The following NARS2 variants were observed in gnomAD, a reference collection of about 807,000 sequenced individuals.
The protein encoded by NARS2 is asparaginyl-tRNA synthetase.
In NARS2, 60 loss-of-function variants were observed where a neutral mutation model predicts 62.9. The observed-to-expected ratio is 0.95, with a 90% CI of 0.77 to 1.18. The LOEUF (loss-of-function observed/expected upper bound fraction) is 1.18, where lower values mean the gene tolerates loss of function less well. Ranked by LOEUF, NARS2 falls within the 50% of genes most tolerant of loss-of-function variation. The pLI, the probability that NARS2 is intolerant of heterozygous loss-of-function variation, is 0.00. For missense variants in NARS2, 619 were observed against 576.4 expected, an observed-to-expected ratio of 1.07 and a Z score of -0.76; for synonymous variants, 196 against 200.0, an observed-to-expected ratio of 0.98 and a Z score of 0.17.
chr11:78,523,827 G>C (rs1658841873), intron 6 of NARS2, among the ~76,000 whole-genome samples: 1 of 152,132 alleles, frequency 6.6e-6, no homozygotes. Context: ...GAAGAGGATA[G>C]GGAGTGAATG....
intron 2 of NARS2, among the ~76,000 whole-genome samples, chr11:78,569,809 GA>G (rs764952190): frequency 2.0e-5 from 3 of 152,120 alleles, no homozygotes; most frequent in African/African-American, 2.4e-5. Context: ...TCATCCTACA[GA>G]AATCTAAAAT....
chr11:78,496,201 T>C (rs553691291), intron 6 of NARS2, among the ~76,000 whole-genome samples: 2 of 152,326 alleles, frequency 1.3e-5, no homozygotes, highest in East Asian at 3.9e-4. Context: ...TTTAAGCAGA[T>C]GAATGTTTAA....
chr11:78,484,411 G>A (rs561989236), intron 7 of NARS2, among the ~76,000 whole-genome samples: 1 of 152,230 alleles, frequency 6.6e-6, no homozygotes, highest in Non-Finnish European at 1.5e-5. Flanking sequence ...AAACTAAAGA[G>A]CTTCTCACAG....
intron 4 of NARS2, among the ~76,000 whole-genome samples, chr11:78,563,845 A>AAAC (rs1856640330): frequency 4.6e-5 from 3 of 65,602 alleles, no homozygotes; most frequent in African/African-American, 2.3e-4. Context: ...AAAAAAAAAA[A>AAAC]AAAAAAATAT....
intron 6 of NARS2, among the ~76,000 whole-genome samples, chr11:78,510,481 G>A (rs751531134): frequency 2.0e-5 from 3 of 151,968 alleles, no homozygotes; most frequent in Non-Finnish European, 4.4e-5. Context: ...AGCAAAAAAT[G>A]ACAGAATTGA....
intron 6 of NARS2, among the ~76,000 whole-genome samples, chr11:78,505,162 G>A (rs1445950220): frequency 6.6e-6 from 1 of 151,748 alleles, no homozygotes; most frequent in East Asian, 1.9e-4. Context: ...GCTCATGTCT[G>A]TAGTTCCAAC....
chr11:78,445,053 G>A (rs1857710888), intron 11 of NARS2, among the ~76,000 whole-genome samples: 1 of 152,152 alleles, frequency 6.6e-6, no homozygotes, highest in South Asian at 2.1e-4. Context: ...TATTAGATAA[G>A]TTTTAGACAT....
intron 2 of NARS2, among the ~76,000 whole-genome samples, chr11:78,569,315 T>G (rs1006140816): frequency 1.3e-5 from 2 of 152,192 alleles, no homozygotes; most frequent in Non-Finnish European, 2.9e-5. Flanking sequence ...ACATCTGTTC[T>G]AATTCTTTTT....
chr11:78,500,531 T>G (rs905906789), intron 6 of NARS2, among the ~76,000 whole-genome samples: 3 of 152,106 alleles, frequency 2.0e-5, no homozygotes, highest in Non-Finnish European at 4.4e-5. Context: ...TGGGGTGCAG[T>G]GGCACAAACA....
chr11:78,456,855 T>C (rs975396317), intron 11 of NARS2, among the ~76,000 whole-genome samples: 1 of 152,236 alleles, frequency 6.6e-6, no homozygotes, highest in Non-Finnish European at 1.5e-5. Flanking sequence ...GCATATGGCA[T>C]TTTGCATATT....
At chr11:78,549,089 G>A (rs1855989069) in intron 5 of NARS2, among the ~76,000 whole-genome samples, 1 of 152,272 alleles carries the variant, frequency 6.6e-6, no homozygotes, top group African/African-American at 2.4e-5. Context: ...CTGGGCAAGT[G>A]TGGCTGAGAG....
intron 6 of NARS2, among the ~76,000 whole-genome samples, chr11:78,498,030 G>C (rs900057257): frequency 6.6e-6 from 1 of 152,036 alleles, no homozygotes; most frequent in African/African-American, 2.4e-5. Context: ...CCTGCTAAAG[G>C]GGGAGGAAGG....
intron 6 of NARS2, among the ~76,000 whole-genome samples, chr11:78,497,281 T>C (rs532048547): frequency 2.6e-5 from 4 of 151,542 alleles, no homozygotes; most frequent in South Asian, 4.2e-4. Flanking sequence ...AAGTTCACTT[T>C]CTCCCGTGTA....
intron 5 of NARS2, among the ~76,000 whole-genome samples, chr11:78,557,530 T>C (rs1349110162): frequency 1.3e-5 from 2 of 152,138 alleles, no homozygotes; most frequent in East Asian, 1.9e-4. Context: ...AAAAGCCAGA[T>C]AGCACAGATC....
At chr11:78,569,150 G>T (rs1043410876) in intron 2 of NARS2, among the ~76,000 whole-genome samples, 4 of 140,970 alleles carry the variant, frequency 2.8e-5, no homozygotes, top group Admixed American at 1.4e-4. Context: ...TTACTTAGTT[G>T]ACTGGTGATC....
chr11:78,494,928 C>G (rs7128417), intron 6 of NARS2, among the ~76,000 whole-genome samples: 114,404 of 152,042 alleles, frequency 0.75, 43,472 homozygotes, highest in Non-Finnish European at 0.82. Context: ...CAGCTTATTA[C>G]ATGGCCCTTA....
chr11:78,557,310 C>T (rs930363589), intron 5 of NARS2, among the ~76,000 whole-genome samples: 2 of 152,112 alleles, frequency 1.3e-5, no homozygotes, highest in Non-Finnish European at 1.5e-5. Flanking sequence ...TGAAAGCCCA[C>T]CTCCTCCTAA....
At chr11:78,524,324 A>G (rs562409435) in intron 6 of NARS2, among the ~76,000 whole-genome samples, 16 of 152,074 alleles carry the variant, frequency 1.1e-4, no homozygotes, top group Non-Finnish European at 1.6e-4. Flanking sequence ...CTTAAGAAAA[A>G]TTTCTAGAAA....
intron 9 of NARS2, among the ~76,000 whole-genome samples, chr11:78,477,912 ATCTC>A (rs568164557): frequency 3.5e-4 from 53 of 152,080 alleles, no homozygotes; most frequent in African/African-American, 1.1e-3. Context: ...TAATCTCTCA[ATCTC>A]TCTCTCTATC....
Sources: allele counts gnomAD v4.1 joint callset (sites outside exome capture counted in the v4.1 genomes callset), GRCh38; gene constraint gnomAD v4.1.1; transcripts MANE v1.5; gene names NCBI Gene and HGNC (gene_info 2026-07-23, HGNC 2026-07-21).